The following COL4A5 variants were observed in gnomAD, a reference collection of about 807,000 sequenced individuals.
The protein encoded by COL4A5 is collagen type IV alpha 5 chain.
A neutral mutation model predicts 130.2 loss-of-function variants in COL4A5; 26 were observed. The observed-to-expected ratio is 0.20, with a 90% CI of 0.15 to 0.28. The LOEUF is 0.28. Ranked by LOEUF, COL4A5 falls within the 10% of genes least tolerant of loss-of-function variation. The probability of loss-of-function intolerance (pLI) is 1.00; values close to 1 mark genes in which losing one functional copy is unlikely to be tolerated. For synonymous variants in COL4A5, 496 were observed against 439.6 expected (o/e 1.13, Z -1.60); for missense variants, 1,131 against 1,344.3 (o/e 0.84, Z 2.48).
At chrX:108,547,122 C>T (rs2065671169) in intron 2 of COL4A5, among the ~76,000 whole-genome samples, 1 of 112,483 alleles carries the variant, frequency 8.9e-6, no homozygotes, top group Non-Finnish European at 1.9e-5. Flanking sequence ...CAAAGTCATT[C>T]TCCTTCCAGC....
At chrX:108,499,412 T>G (rs781379253) in intron 1 of COL4A5, among the ~76,000 whole-genome samples, 1 of 111,503 alleles carries the variant, frequency 9.0e-6, no homozygotes, top group Non-Finnish European at 1.9e-5. Flanking sequence ...TCTTGAGAGA[T>G]ATTTGTGTAT....
intron 4 of COL4A5, among the ~76,000 whole-genome samples, chrX:108,567,864 A>T (rs749657185): frequency 5.4e-5 from 6 of 111,936 alleles, no homozygotes; most frequent in Non-Finnish European, 1.1e-4. Flanking sequence ...AACACGTGGG[A>T]ATTATGGGAG....
At chrX:108,586,470 G>T in intron 18 of COL4A5, 145 bp from the exon 19 acceptor site, 1 of 534,664 alleles carries the variant, frequency 1.9e-6, no homozygotes, top group Non-Finnish European at 3.1e-6. Flanking sequence ...CTAATCAGTT[G>T]GAGGATGGGA....
intron 36 of COL4A5, among the ~76,000 whole-genome samples, chrX:108,638,433 T>C (rs1326932446): frequency 9.0e-6 from 1 of 111,383 alleles, no homozygotes; most frequent in Non-Finnish European, 1.9e-5. Flanking sequence ...ATCTACTTAT[T>C]ATAAAGGTCA....
chrX:108,650,944 GCAAA>G (rs1351764029), intron 36 of COL4A5, among the ~76,000 whole-genome samples: 6 of 110,559 alleles, frequency 5.4e-5, no homozygotes, highest in African/African-American at 2.0e-4. Context: ...AAAAAAACAA[GCAAA>G]CAAAAACCAA....
intron 36 of COL4A5, among the ~76,000 whole-genome samples, chrX:108,630,935 G>T (rs1180692324): frequency 9.0e-6 from 1 of 111,491 alleles, no homozygotes; most frequent in Non-Finnish European, 1.9e-5. Context: ...TTCTTGTTTT[G>T]GTCAGGTTTG....
At chrX:108,586,107 A>T in intron 18 of COL4A5, among the ~76,000 whole-genome samples, 1 of 112,009 alleles carries the variant, frequency 8.9e-6, no homozygotes, top group Non-Finnish European at 1.9e-5. Flanking sequence ...TTCAGGATTA[A>T]AAGTAGCAGC....
intron 40 of COL4A5, among the ~76,000 whole-genome samples, chrX:108,667,891 G>C (rs2068117062): frequency 9.0e-6 from 1 of 111,046 alleles, no homozygotes; most frequent in Admixed American, 9.6e-5. Flanking sequence ...TGGGTAGAAT[G>C]GTCTTCGGGG....
chrX:108,583,830 T>G (rs1438609619), intron 17 of COL4A5, among the ~76,000 whole-genome samples: 1 of 110,708 alleles, frequency 9.0e-6, no homozygotes, highest in Non-Finnish European at 1.9e-5. Context: ...AGTAGTAGAG[T>G]AACACTTGAA....
intron 1 of COL4A5, among the ~76,000 whole-genome samples, chrX:108,460,098 G>A (rs923884989): frequency 1.5e-4 from 17 of 111,690 alleles, no homozygotes; most frequent in African/African-American, 3.9e-4. Context: ...CACATTTTGA[G>A]TTCATTTGAG....
In COL4A5 at chrX:108,573,634, C is replaced by A; in HGVS notation, c.526C>A (p.Pro176Thr). ...LPGPKGNPGY[P>T]GPPGIQGLPG... is the part of the protein sequence containing the mutation. The stretch of plus-strand genomic sequence containing the variant: ...AGGACCAAAGGGTAATCCAGGATAT[C>A]CAGGTCCTCCTGGAATACAAGTAAG... The change falls in exon 9 of 53, where the codon CCA becomes ACA. Residue 176 changes from proline to threonine, a missense_variant. Transcript: ENST00000328300. 1 of 1,195,096 alleles carries A rather than the reference C, an allele frequency of 8.4e-7. No individual in the cohort carries two copies. The highest frequency in any genetic ancestry group is 1.1e-6 in the Non-Finnish European group (1 of 880,517).
intron 29 of COL4A5, among the ~76,000 whole-genome samples, chrX:108,611,715 A>G (rs1326462261): frequency 9.0e-6 from 1 of 111,063 alleles, no homozygotes; most frequent in African/African-American, 3.3e-5. Context: ...GTAAATTCTA[A>G]CAAACATTTA....
At chrX:108,547,849 G>C (rs898385860) in intron 2 of COL4A5, among the ~76,000 whole-genome samples, 16 of 111,619 alleles carry the variant, frequency 1.4e-4, no homozygotes, top group Non-Finnish European at 1.9e-5. Flanking sequence ...CTTGCAGTTC[G>C]ATCTCAGACT....
At chrX:108,496,918 A>G (rs1055159406) in intron 1 of COL4A5, among the ~76,000 whole-genome samples, 3 of 111,822 alleles carry the variant, frequency 2.7e-5, no homozygotes, top group African/African-American at 9.7e-5. Context: ...TGTATAAATC[A>G]ATGTTTATTA....
intron 49 of COL4A5, among the ~76,000 whole-genome samples, chrX:108,691,954 C>CA (rs1569508833): frequency 9.1e-6 from 1 of 110,175 alleles, no homozygotes; most frequent in Non-Finnish European, 1.9e-5. Context: ...AGTGGAATAC[C>CA]GAAGGGTGGG....
chrX:108,617,149 A>G (rs2066944100), intron 30 of COL4A5, among the ~76,000 whole-genome samples: 1 of 110,980 alleles, frequency 9.0e-6, no homozygotes, highest in Non-Finnish European at 1.9e-5. Context: ...AGGCACAGAT[A>G]CTCACTTTCT....
intron 1 of COL4A5, 45 bp downstream of exon 1, chrX:108,440,251 C>A: frequency 1.1e-6 from 1 of 931,257 alleles, no homozygotes; most frequent in East Asian, 3.1e-5. Flanking sequence ...CGCTCTTTCA[C>A]GCTGAAATTA....
At chrX:108,596,580 G>A (rs1407556282) in intron 22 of COL4A5, among the ~76,000 whole-genome samples, 1 of 112,109 alleles carries the variant, frequency 8.9e-6, no homozygotes, top group Non-Finnish European at 1.9e-5. Context: ...ACAAACCAAA[G>A]AAAGGACTGG....
intron 39 of COL4A5, 139 bp downstream of exon 39, chrX:108,666,733 C>A (rs1295994238): frequency 3.6e-6 from 2 of 551,286 alleles, no homozygotes; most frequent in African/African-American, 2.3e-5. Flanking sequence ...TAGTTACCGT[C>A]TTCCTCTTCA....
Sources: gnomAD v4.1 joint callset for allele counts (sites outside exome capture counted in the v4.1 genomes callset) on GRCh38, gnomAD v4.1.1 for gene constraint, MANE v1.5 for transcripts, NCBI Gene and HGNC (gene_info 2026-07-23, HGNC 2026-07-21) for gene names.